The following EOGT variants were observed in gnomAD, a reference collection of about 807,000 sequenced individuals.
The protein encoded by EOGT is EGF domain specific O-linked N-acetylglucosamine transferase, also known as EGF domain-specific O-linked N-acetylglucosamine transferase.
In EOGT, 55 loss-of-function variants were observed where a neutral mutation model predicts 70.5. The ratio of observed to expected loss-of-function variants is 0.78; its 90% CI spans 0.63 to 0.98. The LOEUF (loss-of-function observed/expected upper bound fraction) is 0.98, where lower values mean the gene tolerates loss of function less well. Ranked by LOEUF, EOGT falls within the 50% of genes least tolerant of loss-of-function variation. EOGT has a pLI of 0.00. For missense variants in EOGT, 703 were observed against 641.9 expected (o/e 1.10, Z -1.03); for synonymous variants, 246 against 217.1 (o/e 1.13, Z -1.17).
At chr3:68,990,195 G>A (rs932297018) in intron 10 of EOGT, among the ~76,000 whole-genome samples, 3 of 152,046 alleles carry the variant, frequency 2.0e-5, no homozygotes, top group African/African-American at 7.2e-5. Context: ...CTATTTTGCA[G>A]ATGAGGAAAC....
rs574124459 is a variant in EOGT at position 68,992,109 on chromosome 3, G to A, written c.832-3092C>T. 3.9e-4 allele frequency among the ~76,000 whole-genome samples: 59 copies of A among 152,046 alleles called. No individual in the cohort carries two copies. The South Asian group carries it at 0.012, about 30-fold the overall frequency. On this transcript the variant is annotated intron_variant, in intron 10 of 17. Transcript: ENST00000383701. ...AGCCAAACCATATCATTCTGCCCAG[G>A]GCTCTCTAAATCTCGTGTCCCCACA...
rs776244277 is a variant in EOGT at position 68,975,445 on chromosome 3, A to C, written c.*2173T>G. On this transcript the variant is annotated 3_prime_UTR_variant, in exon 18 of 18. Coordinates refer to ENST00000383701, the MANE Select transcript of EOGT (RefSeq NM_001278689.2). ...CTTCAAATATAGCCGTTTTATTATG[A>C]AATTGTTCTCAATTTCTGAAATTCT... 4 of 152,648 alleles carry C rather than the reference A, an allele frequency of 2.6e-5. No individual in the cohort carries two copies. The highest frequency in any genetic ancestry group is 5.9e-5 in the Non-Finnish European group (4 of 68,038). 9.5% of individuals were successfully genotyped at this position (152,648 alleles called of 1,614,324 possible). A position where few individuals can be genotyped will look rare whatever the true frequency, so the allele number is the denominator to read the frequency against.
intron 14 of EOGT, among the ~76,000 whole-genome samples, chr3:68,986,359 T>C (rs749600154): frequency 1.3e-5 from 2 of 152,118 alleles, no homozygotes; most frequent in Non-Finnish European, 2.9e-5. Flanking sequence ...AGAGACATTA[T>C]TCTACCAACA....
chr3:69,004,459 C>G lies in EOGT; in HGVS notation c.539G>C (p.Ser180Thr). 6.2e-7 allele frequency: 1 copy of G among 1,613,942 alleles called. No individual in the cohort carries two copies. The highest frequency in any genetic ancestry group is 8.5e-7 in the Non-Finnish European group (1 of 1,179,840). ...TTTACAGTGCCCTCCAATTTCACCA[C>G]TCTGGAAAAAGTCCTCCTTAAATCT... ...HDRFKEDFFQSGEIGGHCKLD... is the reference protein window; with the variant it reads ...HDRFKEDFFQTGEIGGHCKLD... Residue 180 changes from serine (S) to threonine (T), a missense_variant, in exon 8 of 18, where the codon AGT (serine) becomes ACT (threonine). By Grantham distance (58) the Ser-to-Thr change is moderately conservative. Coordinates refer to ENST00000383701, the MANE Select transcript of EOGT (RefSeq NM_001278689.2).
At chr3:68,999,583 GT>G (rs2091244121) in intron 9 of EOGT, among the ~76,000 whole-genome samples, 2 of 152,000 alleles carry the variant, frequency 1.3e-5, no homozygotes, top group Non-Finnish European at 2.9e-5. Context: ...AAAATACTCT[GT>G]TTTTTTCAGC....
intron 10 of EOGT, among the ~76,000 whole-genome samples, chr3:68,997,275 C>T (rs1055914691): frequency 5.9e-5 from 9 of 152,122 alleles, no homozygotes; most frequent in African/African-American, 1.7e-4. Context: ...AAGGAAGCTG[C>T]TATTAAGCAA....
intron 14 of EOGT, among the ~76,000 whole-genome samples, chr3:68,985,856 T>A (rs1438830304): frequency 3.9e-5 from 6 of 152,216 alleles, no homozygotes; most frequent in Non-Finnish European, 5.9e-5. Flanking sequence ...TTCTGCAGGA[T>A]GGGAGCCTGA....
intron 16 of EOGT, 43 bp from the exon 17 acceptor site, chr3:68,978,478 G>T: frequency 3.6e-6 from 5 of 1,399,050 alleles, no homozygotes; most frequent in Middle Eastern, 1.8e-4. Context: ...TTTGTCCAAG[G>T]TTTTTTCCAA....
chr3:68,997,991 G>A lies in EOGT; in HGVS notation c.831+20C>T, dbSNP rs758811638. The A allele has an allele frequency of 8.8e-5, 120 of 1,362,006 alleles. 1 individual carries two copies. The South Asian group carries it at 1.1e-3, about 12-fold the overall frequency. The allele number at this position is 1,362,006 out of a possible 1,614,324, so 84.4% of individuals were successfully genotyped here. On this transcript the variant is annotated intron_variant, in intron 10 of 17. Coordinates refer to ENST00000383701, the MANE Select transcript of EOGT (RefSeq NM_001278689.2). ...ACAAGGGAAAGACAGTACTGAAGCG[G>A]AGAGCACATTCTTACTTACGGTGTC...
intron 15 of EOGT, among the ~76,000 whole-genome samples, chr3:68,981,963 A>G (rs139027360): frequency 4.2e-4 from 64 of 151,918 alleles, no homozygotes; most frequent in Admixed American, 3.1e-3. Flanking sequence ...CCGGAGTGCA[A>G]TGGTGCAATG....
chr3:69,003,134 G>A lies in EOGT; in HGVS notation c.620+1244C>T, dbSNP rs188350820. 4.1e-4 allele frequency among the ~76,000 whole-genome samples: 63 copies of A among 151,922 alleles called. No homozygotes were observed. The East Asian group carries it at 7.9e-3, about 19-fold the overall frequency. On this transcript the variant is annotated intron_variant, in intron 8 of 17. Coordinates refer to ENST00000383701, the MANE Select transcript of EOGT (RefSeq NM_001278689.2). ...CCTCTCTCTCCCTACCTACATACCC[G>A]CACCTACACAAGTGATAAAATTTTA...
At chr3:68,981,836 T>TTGTTATCAAACGTTTGATAA (rs527251822) in intron 15 of EOGT, among the ~76,000 whole-genome samples, 6,580 of 152,096 alleles carry the variant, frequency 0.043, 390 homozygotes, top group African/African-American at 0.13. Context: ...GATAACTTTT[T>TTGTTATCAAACGTTTGATAA]TGTTATCAAA....
intron 15 of EOGT, among the ~76,000 whole-genome samples, chr3:68,980,320 C>G (rs1406265535): frequency 1.3e-5 from 2 of 152,156 alleles, no homozygotes; most frequent in Admixed American, 6.5e-5. Context: ...TTTTATAATG[C>G]CCTCTGGGTA....
rs2107108131 is a variant in EOGT, at chr3:68,977,298, C to A, written c.*320G>T. On this transcript the variant is annotated 3_prime_UTR_variant, in exon 18 of 18. Transcript: ENST00000383701. The stretch of plus-strand genomic sequence containing the variant: ...CTGAGATCATGCCACTGCACTCCAG[C>A]CTGGGTGACAGTGAGACTCTGTCTC... The A allele has an allele frequency of 9.3e-6, 2 of 215,364 alleles. No homozygotes were observed. Among genetic ancestry groups the A allele is most frequent in the South Asian group, 6.9e-5 (1 of 14,454 alleles). The allele number at this position is 215,364 out of a possible 1,614,324, so 13.3% of individuals were successfully genotyped here.
intron 13 of EOGT, chr3:68,987,731 T>G (rs762670672): frequency 1.8e-6 from 1 of 563,956 alleles, no homozygotes; most frequent in Non-Finnish European, 3.1e-6. Flanking sequence ...ACATTGTCTG[T>G]TTGGTTGGGT....
intron 11 of EOGT, 164 bp downstream of exon 11, chr3:68,988,761 G>A (rs1433184157): frequency 1.3e-5 from 8 of 638,486 alleles, no homozygotes; most frequent in Non-Finnish European, 2.1e-5. Flanking sequence ...ACTTTTCAAA[G>A]GCTGCATGAT....
At chr3:69,006,171 G>A (rs768418328) in intron 6 of EOGT, among the ~76,000 whole-genome samples, 42 of 152,214 alleles carry the variant, frequency 2.8e-4, no homozygotes, top group Non-Finnish European at 5.4e-4. Context: ...CACCTTGAAA[G>A]AGGAGTGCAA....
At chr3:69,010,522 G>C (rs1027343859) in intron 3 of EOGT, among the ~76,000 whole-genome samples, 1 of 152,184 alleles carries the variant, frequency 6.6e-6, no homozygotes, top group Non-Finnish European at 1.5e-5. Flanking sequence ...CCTGGAACAA[G>C]TTACTTAACC....
At position 68,998,070 on chromosome 3, in the gene EOGT, T is replaced by C. The variant is rs990258685; in HGVS notation, c.772A>G (p.Ile258Val). ...AATGAGTTATTAACGTGCTGAGTAA[T>C]ATAAAGATTGATGAAATCACAGAAG... ...HHFCDFINLY[I>V]TQHVNNSFST... Residue 258 changes from isoleucine (I) to valine (V), a missense_variant, in exon 10 of 18, where the codon ATT (isoleucine) becomes GTT (valine). By Grantham distance (29) the Ile-to-Val change is conservative. Coordinates refer to ENST00000383701, the MANE Select transcript of EOGT (RefSeq NM_001278689.2). 6.2e-6 allele frequency: 10 copies of C among 1,601,732 alleles called. No homozygotes were observed. The highest frequency in any genetic ancestry group is 1.3e-5 in the African/African-American group (1 of 74,474).
Sources: gnomAD v4.1 joint callset for allele counts (sites outside exome capture counted in the v4.1 genomes callset) on GRCh38, gnomAD v4.1.1 for gene constraint, MANE v1.5 for transcripts, NCBI Gene and HGNC (gene_info 2026-07-23, HGNC 2026-07-21) for gene names.